ABCA1: variants seen among roughly 807,000 people sequenced by gnomAD.
The protein encoded by ABCA1 is ATP binding cassette subfamily A member 1, also known as phospholipid-transporting ATPase ABCA1.
ABCA1 carries 133 observed loss-of-function variants against 262.5 expected under a neutral mutation model. The observed-to-expected ratio is 0.51, with a 90% CI of 0.44 to 0.59. The LOEUF (loss-of-function observed/expected upper bound fraction) is 0.59, where lower values mean the gene tolerates loss of function less well. ABCA1 is among the 20% of genes least tolerant of loss of function. The pLI is 0.00. For synonymous variants in ABCA1, 1,022 were observed against 1,043.5 expected (o/e 0.98, Z 0.40); for missense variants, 2,452 against 2,777.5 (o/e 0.88, Z 2.63).
At chr9:104,793,367 T>C in intron 40 of ABCA1, 67 bp from the exon 41 acceptor site, 1 of 1,609,650 alleles carries the variant, frequency 6.2e-7, no homozygotes, top group Non-Finnish European at 8.5e-7. Flanking sequence ...TTCCTCAAAT[T>C]TGGGCCTATG....
intron 15 of ABCA1, 73 bp downstream of exon 15, chr9:104,828,843 C>T: frequency 3.4e-6 from 5 of 1,479,372 alleles, no homozygotes; most frequent in Middle Eastern, 1.8e-4. Flanking sequence ...TTTTTTTCTT[C>T]TTCTCCTCCC....
chr9:104,846,767 TC>T (rs1426592228), intron 7 of ABCA1, among the ~76,000 whole-genome samples: 1 of 152,156 alleles, frequency 6.6e-6, no homozygotes, highest in African/African-American at 2.4e-5. Flanking sequence ...ACATTCACAG[TC>T]CTCAAAGGGA....
At chr9:104,911,538 C>T (rs941979034) in intron 1 of ABCA1, among the ~76,000 whole-genome samples, 2 of 152,168 alleles carry the variant, frequency 1.3e-5, no homozygotes, top group Non-Finnish European at 2.9e-5. Flanking sequence ...CAATTTCTCC[C>T]AGGCTGACCC....
intron 2 of ABCA1, among the ~76,000 whole-genome samples, chr9:104,901,130 T>C (rs1212990506): frequency 6.6e-6 from 1 of 152,218 alleles, no homozygotes; most frequent in Admixed American, 6.5e-5. Flanking sequence ...ATTCCTTCCC[T>C]GGCTAAGCAC....
intron 44 of ABCA1, among the ~76,000 whole-genome samples, chr9:104,789,370 T>C (rs141566813): frequency 3.3e-5 from 5 of 152,222 alleles, no homozygotes; most frequent in Admixed American, 3.3e-4. Flanking sequence ...AGGAAAGCAG[T>C]TGTGCAGCGC....
chr9:104,846,142 C>G (rs1301305013), intron 7 of ABCA1, among the ~76,000 whole-genome samples: 1 of 152,104 alleles, frequency 6.6e-6, no homozygotes, highest in Non-Finnish European at 1.5e-5. Flanking sequence ...TATATGTCAC[C>G]TAACTGCACA....
At chr9:104,886,950 AG>A (rs1839229546) in intron 3 of ABCA1, among the ~76,000 whole-genome samples, 1 of 152,180 alleles carries the variant, frequency 6.6e-6, no homozygotes, top group Non-Finnish European at 1.5e-5. Context: ...AGGTCCCTGG[AG>A]GGTGATGAGA....
At chr9:104,806,454 T>C in intron 30 of ABCA1, 24 bp from the exon 31 acceptor site, 1 of 1,613,206 alleles carries the variant, frequency 6.2e-7, no homozygotes, top group Non-Finnish European at 8.5e-7. Context: ...ACAGCAAGAG[T>C]AGGATTACCA....
rs1336224905 is a variant in ABCA1, at chr9:104,818,714, G to T, written c.3411C>A (p.Ser1137=). The change falls in exon 23 of 50, where the codon TCC becomes TCA. Residue 1137 remains serine (S), a synonymous_variant. Coordinates refer to ENST00000374736, the MANE Select transcript of ABCA1 (RefSeq NM_005502.4). ...YLTLVKKDVE[S]SLSSCRNSSS... ...TACTGTTTCTGCAGGAACTGAGGGA[G>T]GATTCCACATCTTTCTTGACCAAGG... 1.2e-6 allele frequency: 2 copies of T among 1,613,482 alleles called. No individual in the cohort carries two copies. The highest frequency in any genetic ancestry group is 1.7e-6 in the Non-Finnish European group (2 of 1,180,050).
At chr9:104,800,443 A>C in intron 35 of ABCA1, 67 bp downstream of exon 35, 1 of 1,487,786 alleles carries the variant, frequency 6.7e-7, no homozygotes, top group Non-Finnish European at 9.4e-7. Flanking sequence ...CATGAGTTGA[A>C]AGTACTCCAG....
At position 104,809,568 on chromosome 9, in the gene ABCA1, T is replaced by C; in HGVS notation, c.4176-4A>G. 1 of 1,613,668 alleles carries C rather than the reference T, an allele frequency of 6.2e-7. No homozygotes were observed. Among genetic ancestry groups the C allele is most frequent in the Non-Finnish European group, 8.5e-7 (1 of 1,179,594 alleles). On this transcript the variant is annotated splice_region_variant and splice_polypyrimidine_tract_variant and intron_variant, in intron 29 of 49. Transcript: ENST00000374736. Reference sequence around the variant, plus strand: ...CGTGTCCTCAGGAGCATCATTGCTGTGGGTACATGAGAGGCAGCCAGCTTA... The same window carrying C: ...CGTGTCCTCAGGAGCATCATTGCTGCGGGTACATGAGAGGCAGCCAGCTTA...
In ABCA1 at chr9:104,903,728, C is replaced by T. The variant is rs1840858571; in HGVS notation, c.-49G>A. ...CGTGTGGCTCGGGAGCCCTGGAAGG[C>T]AGCGGCCAGAGCTCACAGCAGGGAC... On this transcript the variant is annotated 5_prime_UTR_variant, in exon 2 of 50. Transcript: ENST00000374736. 3.2e-6 allele frequency: 5 copies of T among 1,542,370 alleles called. No homozygotes were observed. The highest frequency in any genetic ancestry group is 1.4e-5 in the African/African-American group (1 of 73,308).
At chr9:104,870,603 T>A (rs917408052) in intron 5 of ABCA1, among the ~76,000 whole-genome samples, 1 of 152,036 alleles carries the variant, frequency 6.6e-6, no homozygotes, top group South Asian at 2.1e-4. Context: ...TAAGGGGTGA[T>A]TAAGTTATGT....
At chr9:104,852,459 G>A (rs769742833) in intron 7 of ABCA1, among the ~76,000 whole-genome samples, 1 of 152,100 alleles carries the variant, frequency 6.6e-6, no homozygotes, top group Non-Finnish European at 1.5e-5. Flanking sequence ...ATTTTTTGCT[G>A]TTTCTAAACA....
At chr9:104,790,838 T>C in intron 44 of ABCA1, 84 bp downstream of exon 44, 1 of 965,066 alleles carries the variant, frequency 1.0e-6, no homozygotes, top group South Asian at 1.3e-5. Flanking sequence ...AAAATACCAC[T>C]GTAATCAAAA....
Position 104,828,831 on chromosome 9 carries a change from A to AC in ABCA1, c.2115+84_2115+85insG, listed in dbSNP as rs779313373. ...GACCCCTTCTCTACCAGAGGCTTGGATTTTTTTTCTTCTTCTCCTCCCTTA... is the reference window on the plus strand; with the variant it reads ...GACCCCTTCTCTACCAGAGGCTTGGACTTTTTTTTCTTCTTCTCCTCCCTTA... On this transcript the variant is annotated intron_variant, in intron 15 of 49. Transcript: ENST00000374736. 8.1e-4 allele frequency: 1,127 copies of AC among 1,385,342 alleles called. 1 individual carries two copies. Among genetic ancestry groups the AC allele is most frequent in the Non-Finnish European group, 1.0e-3 (999 of 995,990 alleles). 85.8% of individuals were successfully genotyped at this position (1,385,342 alleles called of 1,614,324 possible). A position where few individuals can be genotyped will look rare whatever the true frequency, so the allele number is the denominator to read the frequency against.
At position 104,782,840 on chromosome 9, in the gene ABCA1, G is replaced by C. The variant is rs1179204644; in HGVS notation, c.*1475C>G. 7.5e-6 allele frequency: 1 copy of C among 133,260 alleles called. No homozygotes were observed. The highest frequency in any genetic ancestry group is 2.5e-4 in the South Asian group (1 of 4,056). 8.3% of individuals were successfully genotyped at this position (133,260 alleles called of 1,614,324 possible). A position where few individuals can be genotyped will look rare whatever the true frequency, so the allele number is the denominator to read the frequency against. On this transcript the variant is annotated 3_prime_UTR_variant, in exon 50 of 50. Coordinates refer to ENST00000374736, the MANE Select transcript of ABCA1 (RefSeq NM_005502.4). Reference sequence around the variant, plus strand: ...CTTATACTTTCTTGGCTTTTGCATTGTTGCAATTAAAAAAAAAAAAAAAAA... The same window carrying C: ...CTTATACTTTCTTGGCTTTTGCATTCTTGCAATTAAAAAAAAAAAAAAAAA...
chr9:104,852,527 G>A (rs1445669091), intron 7 of ABCA1, among the ~76,000 whole-genome samples: 1 of 152,134 alleles, frequency 6.6e-6, no homozygotes, highest in Non-Finnish European at 1.5e-5. Flanking sequence ...CTGTATCTTA[G>A]ATCTGGCAAC....
chr9:104,817,347 C>A lies in ABCA1; in HGVS notation c.3520G>T (p.Asp1174Tyr). 1 of 1,614,136 alleles carries A rather than the reference C, an allele frequency of 6.2e-7. No individual in the cohort carries two copies. ...DAGLGSDHES[D>Y]TLTIDVSAIS... is the part of the protein sequence containing the mutation. Reference sequence around the variant, plus strand: ...GAGTCCTTACCGATGGTCAGCGTGTCACTCTCATGGTCGCTGCCCAGGCCA... The same window carrying A: ...GAGTCCTTACCGATGGTCAGCGTGTAACTCTCATGGTCGCTGCCCAGGCCA... Residue 1174 changes from aspartate (D) to tyrosine (Y), a missense_variant, in exon 24 of 50, where the codon GAC becomes TAC. Physicochemically the swap from Asp to Tyr is radical, Grantham distance 160 (BLOSUM62 -3). Transcript: ENST00000374736. The surrounding 1 kb of genome is among the most constrained non-coding windows in gnomAD (Gnocchi z 4.7).
Sources: allele counts gnomAD v4.1 joint callset (sites outside exome capture counted in the v4.1 genomes callset), GRCh38; gene constraint gnomAD v4.1.1; non-coding constraint Gnocchi (gnomAD v3.1); transcripts MANE v1.5; gene names NCBI Gene and HGNC (gene_info 2026-07-23, HGNC 2026-07-21).